Variants in TESK2 observed in about 807,000 individuals in gnomAD.
The protein encoded by TESK2 is dual specificity testis-specific protein kinase 2.
Under a neutral mutation model 57.1 loss-of-function variants are expected in TESK2, and 39 were observed. The ratio of observed to expected loss-of-function variants is 0.68; its 90% CI spans 0.53 to 0.89. The LOEUF is 0.89. TESK2 is among the 40% of genes least tolerant of loss of function. TESK2 has a pLI of 0.00. For synonymous variants in TESK2, 249 were observed against 267.9 expected (o/e 0.93, Z 0.69); for missense variants, 646 against 732.1 (o/e 0.88, Z 1.36).
At chr1:45,372,555 G>A (rs1306170119) in intron 4 of TESK2, among the ~76,000 whole-genome samples, 1 of 151,884 alleles carries the variant, frequency 6.6e-6, no homozygotes, top group Non-Finnish European at 1.5e-5. Context: ...CTCCAGCCTG[G>A]GTGACAGAGC....
At chr1:45,416,327 C>T (rs2149285131) in intron 3 of TESK2, among the ~76,000 whole-genome samples, 1 of 151,818 alleles carries the variant, frequency 6.6e-6, no homozygotes, top group East Asian at 1.9e-4. Context: ...CAAAAGAAAA[C>T]ATGGTTTCAC....
chr1:45,449,694 G>A (rs1651794372), intron 2 of TESK2, among the ~76,000 whole-genome samples: 1 of 152,178 alleles, frequency 6.6e-6, no homozygotes, highest in East Asian at 1.9e-4. Flanking sequence ...ACACGTACAA[G>A]TGCCTGGAAG....
chr1:45,457,893 C>T, intron 1 of TESK2, 22 bp from the exon 2 acceptor site: 2 of 853,384 alleles, frequency 2.3e-6, no homozygotes. Flanking sequence ...AAAAAAATTT[C>T]CACTGAAATC....
In TESK2 at chr1:45,469,416, T is replaced by C. The variant is rs376524398; in HGVS notation, c.-86-11545A>G. ...TTGTGACAACTCTGCAAAGCATGTA[T>C]TATCATCTCTAATTTAAAGAAAAAG... On this transcript the variant is annotated intron_variant, in intron 1 of 10. Transcript: ENST00000372086. Among the ~76,000 whole-genome samples, 4 of 152,332 alleles carry C rather than the reference T, an allele frequency of 2.6e-5. No homozygotes were observed. The East Asian group carries it at 7.7e-4, about 29-fold the overall frequency.
intron 4 of TESK2, among the ~76,000 whole-genome samples, chr1:45,369,390 G>A (rs779356697): frequency 1.3e-5 from 2 of 151,990 alleles, no homozygotes; most frequent in Non-Finnish European, 2.9e-5. Flanking sequence ...AATCCCAGGA[G>A]GCTGAGGCAG....
intron 1 of TESK2, among the ~76,000 whole-genome samples, chr1:45,476,989 G>T (rs1409354063): frequency 6.8e-6 from 1 of 148,058 alleles, no homozygotes; most frequent in African/African-American, 2.5e-5. Flanking sequence ...TTTTGAAGAG[G>T]TGGGTTCTTA....
chr1:45,385,389 G>A (rs1020611572), intron 4 of TESK2: 6 of 975,244 alleles, frequency 6.2e-6, no homozygotes, highest in Non-Finnish European at 7.3e-6. Context: ...AAACGAGAAT[G>A]AAGATGTAAA....
At chr1:45,373,319 G>A (rs528499291) in intron 4 of TESK2, among the ~76,000 whole-genome samples, 10 of 152,314 alleles carry the variant, frequency 6.6e-5, no homozygotes, top group African/African-American at 2.4e-4. Flanking sequence ...GAGGTAAGAT[G>A]AACAGGACAT....
At chr1:45,473,306 T>C (rs1279194314) in intron 1 of TESK2, among the ~76,000 whole-genome samples, 1 of 152,018 alleles carries the variant, frequency 6.6e-6, no homozygotes, top group Non-Finnish European at 1.5e-5. Context: ...GGAACATCAA[T>C]ATATACAGGA....
intron 3 of TESK2, among the ~76,000 whole-genome samples, chr1:45,411,420 G>A (rs970661045): frequency 5.9e-5 from 9 of 152,134 alleles, no homozygotes; most frequent in Non-Finnish European, 1.3e-4. Context: ...GTGCAACCAA[G>A]ATCCCTCGCA....
chr1:45,362,781 C>T (rs1410318166), intron 4 of TESK2, among the ~76,000 whole-genome samples: 2 of 152,172 alleles, frequency 1.3e-5, no homozygotes, highest in African/African-American at 2.4e-5. Context: ...TACCCAAACA[C>T]TGAAAACCTA....
At chr1:45,465,589 G>C (rs553251255) in intron 1 of TESK2, among the ~76,000 whole-genome samples, 6 of 152,312 alleles carry the variant, frequency 3.9e-5, no homozygotes, top group South Asian at 4.2e-4. Context: ...AGTCTTGTTA[G>C]AAGTTTTACA....
intron 7 of TESK2, among the ~76,000 whole-genome samples, chr1:45,347,288 G>C (rs1052190123): frequency 2.6e-5 from 4 of 152,146 alleles, no homozygotes; most frequent in Non-Finnish European, 5.9e-5. Flanking sequence ...AGAATCAGCC[G>C]AGCGCGATGG....
intron 4 of TESK2, among the ~76,000 whole-genome samples, chr1:45,355,712 C>T (rs1265828458): frequency 2.6e-5 from 4 of 152,018 alleles, no homozygotes; most frequent in Non-Finnish European, 5.9e-5. Context: ...TAGGACAACA[C>T]CATGCAGCAA....
chr1:45,490,640 G>A (rs1653680789), intron 1 of TESK2, among the ~76,000 whole-genome samples: 2 of 152,124 alleles, frequency 1.3e-5, no homozygotes, highest in African/African-American at 2.4e-5. Flanking sequence ...GACGTGGCGG[G>A]GAGCCTGAGG....
At chr1:45,431,335 T>C (rs1443769820) in intron 2 of TESK2, among the ~76,000 whole-genome samples, 2 of 152,044 alleles carry the variant, frequency 1.3e-5, no homozygotes, top group African/African-American at 4.8e-5. Flanking sequence ...GAAGAATCGC[T>C]TGAACCCGGG....
chr1:45,415,566 C>G (rs550496948), intron 3 of TESK2, among the ~76,000 whole-genome samples: 1 of 152,014 alleles, frequency 6.6e-6, no homozygotes, highest in Non-Finnish European at 1.5e-5. Flanking sequence ...ACAACAACAA[C>G]AACAAAGGCT....
intron 2 of TESK2, among the ~76,000 whole-genome samples, chr1:45,444,722 G>C (rs1164927179): frequency 1.3e-5 from 2 of 152,200 alleles, no homozygotes; most frequent in African/African-American, 2.4e-5. Flanking sequence ...GTAACAGTAA[G>C]AGAAATCTAA....
intron 2 of TESK2, among the ~76,000 whole-genome samples, chr1:45,432,155 G>A (rs2149290488): frequency 6.6e-6 from 1 of 151,840 alleles, no homozygotes; most frequent in South Asian, 2.1e-4. Flanking sequence ...AGGCTGAGAT[G>A]GGAGGATCAC....
Sources: allele counts gnomAD v4.1 joint callset (sites outside exome capture counted in the v4.1 genomes callset), GRCh38; gene constraint gnomAD v4.1.1; transcripts MANE v1.5; gene names NCBI Gene and HGNC (gene_info 2026-07-23, HGNC 2026-07-21).